The following PIGU variants were observed in gnomAD, a reference collection of about 807,000 sequenced individuals.
PIGU encodes phosphatidylinositol glycan anchor biosynthesis class U.
In PIGU, 24 loss-of-function variants were observed where a neutral mutation model predicts 49.9. The ratio of observed to expected loss-of-function variants is 0.48; its 90% confidence interval spans 0.35 to 0.68. PIGU has a LOEUF of 0.68. Ranked by LOEUF, PIGU falls within the 30% of genes least tolerant of loss-of-function variation. The pLI is 0.01. For synonymous variants in PIGU, 220 were observed against 205.7 expected, an observed-to-expected ratio of 1.07 and a Z score of -0.59; for missense variants, 490 against 532.6, an observed-to-expected ratio of 0.92 and a Z score of 0.79.
intron 6 of PIGU, among the ~76,000 whole-genome samples, chr20:34,631,029 T>TACA (rs1861506520): frequency 6.7e-6 from 1 of 149,052 alleles, no homozygotes; most frequent in African/African-American, 2.5e-5. Flanking sequence ...AACAAACAAT[T>TACA]AAAAAAAAAT....
At chr20:34,653,616 G>A (rs1986612114) in intron 2 of PIGU, among the ~76,000 whole-genome samples, 1 of 152,108 alleles carries the variant, frequency 6.6e-6, no homozygotes, top group Non-Finnish European at 1.5e-5. Flanking sequence ...CAGAGTAGCT[G>A]GCACTTAGTG....
chr20:34,659,244 A>T (rs1986837900), intron 1 of PIGU, among the ~76,000 whole-genome samples: 1 of 106,838 alleles, frequency 9.4e-6, no homozygotes, highest in Non-Finnish European at 2.1e-5. Flanking sequence ...CCCGTCCGGG[A>T]GGGAGGTGGG....
intron 7 of PIGU, among the ~76,000 whole-genome samples, chr20:34,602,321 G>A (rs143439022): frequency 6.6e-6 from 1 of 151,448 alleles, no homozygotes; most frequent in Admixed American, 6.6e-5. Context: ...GTATGGCTGG[G>A]TGCGGTGGCT....
intron 6 of PIGU, among the ~76,000 whole-genome samples, chr20:34,620,819 A>AC (rs769508966): frequency 5.2e-4 from 69 of 132,504 alleles, no homozygotes; most frequent in African/African-American, 1.3e-3. Flanking sequence ...CAAAAAAAAA[A>AC]CAAAAAAAAA....
intron 6 of PIGU, among the ~76,000 whole-genome samples, chr20:34,620,820 C>CAAAAAAAAAAA (rs1178693587): frequency 2.1e-4 from 20 of 96,648 alleles, no homozygotes; most frequent in South Asian, 6.5e-4. Flanking sequence ...AAAAAAAAAA[C>CAAAAAAAAAAA]AAAAAAAAAA....
intron 7 of PIGU, among the ~76,000 whole-genome samples, chr20:34,599,538 T>C (rs926775970): frequency 6.6e-6 from 1 of 152,190 alleles, no homozygotes; most frequent in South Asian, 2.1e-4. Flanking sequence ...GCTGCACTGA[T>C]GGCAGCCCCT....
chr20:34,577,799 T>C (rs1478803774), intron 10 of PIGU, among the ~76,000 whole-genome samples: 2 of 152,050 alleles, frequency 1.3e-5, no homozygotes, highest in Admixed American at 1.3e-4. Flanking sequence ...TAGGGTGGGG[T>C]TCAGGCATCC....
chr20:34,588,197 A>G (rs1355675252), intron 8 of PIGU, among the ~76,000 whole-genome samples: 2 of 152,080 alleles, frequency 1.3e-5, no homozygotes, highest in East Asian at 1.9e-4. Flanking sequence ...GGGTGCAGTG[A>G]GCGGAGATGG....
chr20:34,665,531 G>A lies in PIGU; in HGVS notation c.131-8287C>T, dbSNP rs187237689. ...TTTTTTTTGTATTTTTAGTAGAGGC[G>A]GGGTTTTACCATGTTGGCCAGGCTG... On this transcript the variant is annotated intron_variant, in intron 1 of 11. Transcript: ENST00000217446. Among the ~76,000 whole-genome samples the A allele has an allele frequency of 1.4e-3, 212 of 150,762 alleles. 2 individuals carry two copies. Among genetic ancestry groups the A allele is most frequent in the Non-Finnish European group, 2.3e-3 (153 of 67,718 alleles).
At chr20:34,634,843 C>T in intron 5 of PIGU, 128 bp from the exon 6 acceptor site, 1 of 1,413,820 alleles carries the variant, frequency 7.1e-7, no homozygotes, top group Non-Finnish European at 9.3e-7. Flanking sequence ...GAAATGAGTT[C>T]CCCCAAATAA....
intron 6 of PIGU, among the ~76,000 whole-genome samples, chr20:34,631,763 A>T (rs867611308): frequency 8.5e-4 from 4 of 4,702 alleles, no homozygotes; most frequent in African/African-American, 2.8e-3. Context: ...ATATATATAT[A>T]TATATATATA....
chr20:34,582,270 T>C (rs1394782266), intron 9 of PIGU, among the ~76,000 whole-genome samples: 5 of 152,186 alleles, frequency 3.3e-5, no homozygotes. Flanking sequence ...CAATTATTAT[T>C]TTAACCTAAT....
chr20:34,612,242 A>G (rs1984842944), intron 7 of PIGU, among the ~76,000 whole-genome samples: 1 of 152,158 alleles, frequency 6.6e-6, no homozygotes, highest in South Asian at 2.1e-4. Context: ...TCCTTAGCAA[A>G]CTAACACAGG....
At chr20:34,616,886 G>A (rs1985032743) in intron 6 of PIGU, among the ~76,000 whole-genome samples, 1 of 152,202 alleles carries the variant, frequency 6.6e-6, no homozygotes, top group Non-Finnish European at 1.5e-5. Flanking sequence ...GGCCGAGTCA[G>A]GCAGATCAAG....
intron 2 of PIGU, among the ~76,000 whole-genome samples, chr20:34,654,532 A>G (rs1036044313): frequency 3.4e-5 from 4 of 117,708 alleles, no homozygotes; most frequent in Admixed American, 1.1e-4. Flanking sequence ...TGTTTCTGCC[A>G]GTAGTTCTTG....
chr20:34,615,637 G>A (rs942651564), intron 7 of PIGU, among the ~76,000 whole-genome samples: 1 of 152,126 alleles, frequency 6.6e-6, no homozygotes. Context: ...ACCATTCTGA[G>A]TAGTGTGATG....
chr20:34,669,443 G>C (rs1035615992), intron 1 of PIGU, among the ~76,000 whole-genome samples: 1 of 152,144 alleles, frequency 6.6e-6, no homozygotes, highest in Admixed American at 6.6e-5. Flanking sequence ...GAGGCAGGTA[G>C]ATCACTTGAG....
chr20:34,654,539 C>T (rs1986650219), intron 2 of PIGU, among the ~76,000 whole-genome samples: 1 of 114,464 alleles, frequency 8.7e-6, no homozygotes, highest in Admixed American at 1.2e-4. Flanking sequence ...GCCAGTAGTT[C>T]TTGTTATTGC....
chr20:34,661,547 CTTTT>C (rs796294249), intron 1 of PIGU, among the ~76,000 whole-genome samples: 1 of 140,226 alleles, frequency 7.1e-6, no homozygotes, highest in African/African-American at 2.6e-5. Context: ...TGAGCTCATT[CTTTT>C]TTTTTTTTTA....
Sources: allele counts gnomAD v4.1 joint callset (sites outside exome capture counted in the v4.1 genomes callset), GRCh38; gene constraint gnomAD v4.1.1; transcripts MANE v1.5; gene names NCBI Gene and HGNC (gene_info 2026-07-23, HGNC 2026-07-21).